Variants in CSRNP3 observed in about 807,000 individuals in gnomAD.
CSRNP3 encodes the protein cysteine/serine-rich nuclear protein 3.
A neutral mutation model predicts 48.0 loss-of-function variants in CSRNP3; 12 were observed. That is an observed-to-expected ratio of 0.25 (90% confidence interval 0.16 to 0.41). The LOEUF (loss-of-function observed/expected upper bound fraction) is 0.41. Ranked by LOEUF, CSRNP3 falls within the 10% of genes least tolerant of loss-of-function variation. CSRNP3 has a pLI of 1.00. For synonymous variants in CSRNP3, 263 were observed against 269.7 expected, an observed-to-expected ratio of 0.98 and a Z score of 0.24; for missense variants, 580 against 724.4, an observed-to-expected ratio of 0.80 and a Z score of 2.29.
chr2:165,488,588 C>T, intron 1 of CSRNP3, among the ~76,000 whole-genome samples: 1 of 142,544 alleles, frequency 7.0e-6, no homozygotes, highest in African/African-American at 2.6e-5. Context: ...GAAATTATAA[C>T]AAACTATCTC....
At position 165,560,163 on chromosome 2, in the gene CSRNP3, C is replaced by T. The variant is rs563888956; in HGVS notation, c.-23-34880C>T. The stretch of plus-strand genomic sequence containing the variant: ...GATTACAATTAGGTTCTATTGCTTT[C>T]CTTAGGGAGCTCACAATGTTCTATT... On this transcript the variant is annotated intron_variant, in intron 3 of 6. Transcript: ENST00000651982. Among the ~76,000 whole-genome samples the T allele has an allele frequency of 2.0e-5, 3 of 152,186 alleles. No individual in the cohort carries two copies. In the East Asian group the frequency reaches 5.8e-4, roughly 29 times the overall value.
chr2:165,674,681 A>T (rs1396704693), intron 5 of CSRNP3, among the ~76,000 whole-genome samples: 1 of 103,232 alleles, frequency 9.7e-6, no homozygotes, highest in Non-Finnish European at 1.8e-5. Context: ...AATACTTCTG[A>T]ATATATATAT....
chr2:165,549,461 A>G (rs781330732), intron 3 of CSRNP3, among the ~76,000 whole-genome samples: 2 of 152,114 alleles, frequency 1.3e-5, no homozygotes, highest in Non-Finnish European at 2.9e-5. Context: ...TCTCCAGCAT[A>G]GAAAACACAG....
chr2:165,656,371 C>T (rs950640870), intron 4 of CSRNP3, among the ~76,000 whole-genome samples: 5 of 152,088 alleles, frequency 3.3e-5, no homozygotes, highest in South Asian at 2.1e-4. Context: ...CTGGATTCTC[C>T]GTGCATCTTG....
At chr2:165,532,826 A>G (rs1245877615) in intron 3 of CSRNP3, among the ~76,000 whole-genome samples, 1 of 152,168 alleles carries the variant, frequency 6.6e-6, no homozygotes, top group African/African-American at 2.4e-5. Context: ...ATCTCAGCCC[A>G]AAATCTCCTC....
chr2:165,524,674 G>A (rs1380598384), intron 3 of CSRNP3, among the ~76,000 whole-genome samples: 1 of 152,098 alleles, frequency 6.6e-6, no homozygotes, highest in African/African-American at 2.4e-5. Context: ...TTTCTAGAAT[G>A]TCTTATCAAT....
chr2:165,604,341 AT>A (rs1444671491), intron 4 of CSRNP3, among the ~76,000 whole-genome samples: 2 of 152,254 alleles, frequency 1.3e-5, no homozygotes, highest in Admixed American at 1.3e-4. Context: ...GCTTAATAAC[AT>A]TTAGCTTTGT....
chr2:165,478,799 T>C (rs1684002359), intron 1 of CSRNP3, among the ~76,000 whole-genome samples: 1 of 152,214 alleles, frequency 6.6e-6, no homozygotes. Context: ...TGTCAGTGTA[T>C]GTAGGTTACT....
chr2:165,616,687 C>G (rs1252488142), intron 4 of CSRNP3, among the ~76,000 whole-genome samples: 1 of 152,050 alleles, frequency 6.6e-6, no homozygotes, highest in South Asian at 2.1e-4. Context: ...TTAAAAATTA[C>G]CTATCTTTGA....
chr2:165,644,178 A>G (rs907938958), intron 4 of CSRNP3, among the ~76,000 whole-genome samples: 2 of 152,168 alleles, frequency 1.3e-5, no homozygotes, highest in Non-Finnish European at 2.9e-5. Context: ...TTAGTTTGTC[A>G]TGTTAGGTCT....
chr2:165,663,087 C>G (rs1687123568), intron 5 of CSRNP3, among the ~76,000 whole-genome samples: 1 of 152,178 alleles, frequency 6.6e-6, no homozygotes, highest in South Asian at 2.1e-4. Flanking sequence ...TAATTCTCCA[C>G]TTTACCTCCA....
chr2:165,599,939 T>C (rs973917391), intron 4 of CSRNP3, among the ~76,000 whole-genome samples: 1 of 152,026 alleles, frequency 6.6e-6, no homozygotes, highest in South Asian at 2.1e-4. Context: ...ATTCTTTTTT[T>C]TTTTTTATTA....
intron 3 of CSRNP3, among the ~76,000 whole-genome samples, chr2:165,582,923 A>G (rs1201401718): frequency 6.6e-6 from 1 of 152,260 alleles, no homozygotes; most frequent in Non-Finnish European, 1.5e-5. Flanking sequence ...GAATTCATAC[A>G]TAATTTGGGA....
intron 3 of CSRNP3, among the ~76,000 whole-genome samples, chr2:165,524,849 T>A (rs1192523476): frequency 1.3e-5 from 2 of 152,242 alleles, no homozygotes; most frequent in African/African-American, 4.8e-5. Flanking sequence ...CTTAAAGATA[T>A]TTAGGTTGTT....
intron 4 of CSRNP3, among the ~76,000 whole-genome samples, chr2:165,651,256 T>C (rs1412050143): frequency 1.3e-5 from 2 of 152,194 alleles, no homozygotes; most frequent in Non-Finnish European, 2.9e-5. Context: ...ATTTGATTAT[T>C]TTCAATAAGA....
chr2:165,595,713 T>C, intron 4 of CSRNP3, among the ~76,000 whole-genome samples: 1 of 152,180 alleles, frequency 6.6e-6, no homozygotes, highest in Non-Finnish European at 1.5e-5. Context: ...GTCTAATGGC[T>C]CTTTCCTAGT....
At chr2:165,571,882 T>C (rs958615287) in intron 3 of CSRNP3, among the ~76,000 whole-genome samples, 1 of 152,070 alleles carries the variant, frequency 6.6e-6, no homozygotes, top group African/African-American at 2.4e-5. Flanking sequence ...GAGATTTTAA[T>C]TGAGGATATT....
chr2:165,529,195 G>A (rs751734397), intron 3 of CSRNP3, among the ~76,000 whole-genome samples: 4 of 152,188 alleles, frequency 2.6e-5, no homozygotes, highest in Non-Finnish European at 5.9e-5. Flanking sequence ...GAACTGTTGG[G>A]AAGGCATAAT....
At chr2:165,675,788 A>C (rs1687413782) in intron 5 of CSRNP3, among the ~76,000 whole-genome samples, 1 of 152,228 alleles carries the variant, frequency 6.6e-6, no homozygotes, top group South Asian at 2.1e-4. Flanking sequence ...TCATATTTGT[A>C]ATCCCTGTAG....
Sources: gnomAD v4.1 joint callset for allele counts (sites outside exome capture counted in the v4.1 genomes callset) on GRCh38, gnomAD v4.1.1 for gene constraint, MANE v1.5 for transcripts, NCBI Gene and HGNC (gene_info 2026-07-23, HGNC 2026-07-21) for gene names.